EFNA5: variants seen among roughly 807,000 people sequenced by gnomAD.
The protein encoded by EFNA5 is ephrin A5, also known as ephrin-A5.
EFNA5 carries 5 observed loss-of-function variants against 22.9 expected under a neutral mutation model. The observed-to-expected ratio is 0.22, with a 90% CI of 0.11 to 0.46. EFNA5 has a LOEUF of 0.46. Ranked by LOEUF, EFNA5 falls within the 20% of genes least tolerant of loss-of-function variation. EFNA5 has a pLI of 0.99. For missense variants in EFNA5, 237 were observed against 293.3 expected, an observed-to-expected ratio of 0.81 and a Z score of 1.40; for synonymous variants, 113 against 112.2, an observed-to-expected ratio of 1.01 and a Z score of -0.04.
chr5:107,519,232 G>A lies in EFNA5; in HGVS notation c.126-91723C>T, dbSNP rs141677274. On this transcript the variant is annotated intron_variant, in intron 1 of 4. Coordinates refer to ENST00000333274, the MANE Select transcript of EFNA5 (RefSeq NM_001962.3). ...TCAAAATATCCTAATTCTAAAAGTC[G>A]GAACCTAGTGAGCAGAATCATGGTC... Among the ~76,000 whole-genome samples the A allele has an allele frequency of 3.7e-3, 556 of 152,238 alleles. 2 individuals carry two copies. Among genetic ancestry groups the A allele is most frequent in the Middle Eastern group, 6.8e-3 (2 of 294 alleles).
intron 1 of EFNA5, among the ~76,000 whole-genome samples, chr5:107,431,006 C>T (rs1445158376): frequency 6.6e-6 from 1 of 152,060 alleles, no homozygotes; most frequent in Non-Finnish European, 1.5e-5. Context: ...AATCTCCTGA[C>T]CTCGTGATCT....
Position 107,670,617 on chromosome 5 carries a change from G to T in EFNA5, c.-4C>A. The T allele has an allele frequency of 6.2e-7, 1 of 1,601,056 alleles. No individual in the cohort carries two copies. Among genetic ancestry groups the T allele is most frequent in the Non-Finnish European group, 8.5e-7 (1 of 1,174,434 alleles). On this transcript the variant is annotated 5_prime_UTR_variant, in exon 1 of 5. Coordinates refer to ENST00000333274, the MANE Select transcript of EFNA5 (RefSeq NM_001962.3). ...TCAACATCTCCACGTGCAACATCAC[G>T]CCTGGCCAGCGGCGGAGCCCCCGAC...
rs879477922 is a variant in EFNA5 at position 107,378,922 on chromosome 5, A to G, written c.*2333T>C. On this transcript the variant is annotated 3_prime_UTR_variant, in exon 5 of 5. Coordinates refer to ENST00000333274, the MANE Select transcript of EFNA5 (RefSeq NM_001962.3). ...ATGCTGTATTATTTTGGTTCTATTG[A>G]TCCATTTTAGAAGGTATCTTTCTCC... 7.2e-5 allele frequency: 11 copies of G among 151,994 alleles called. No homozygotes were observed. Among genetic ancestry groups the G allele is most frequent in the Admixed American group, 6.6e-5 (1 of 15,248 alleles). The allele number at this position is 151,994 out of a possible 1,614,324, so 9.4% of individuals were successfully genotyped here. A position where few individuals can be genotyped will look rare whatever the true frequency, so the allele number is the denominator to read the frequency against.
intron 1 of EFNA5, among the ~76,000 whole-genome samples, chr5:107,512,315 T>G (rs1017318712): frequency 6.6e-6 from 1 of 151,972 alleles, no homozygotes; most frequent in Admixed American, 6.6e-5. Context: ...TGCAATCGCC[T>G]GGGTATAAGC....
chr5:107,633,394 C>G (rs976263191), intron 1 of EFNA5, among the ~76,000 whole-genome samples: 2 of 152,196 alleles, frequency 1.3e-5, no homozygotes, highest in Non-Finnish European at 1.5e-5. Flanking sequence ...AGTCTCCTGA[C>G]AAGATGCCAA....
intron 1 of EFNA5, among the ~76,000 whole-genome samples, chr5:107,655,400 A>G (rs1750801270): frequency 6.6e-6 from 1 of 152,138 alleles, no homozygotes; most frequent in African/African-American, 2.4e-5. Flanking sequence ...CAGCGATTGT[A>G]AATATTAAAA....
chr5:107,568,574 C>A (rs1748711452), intron 1 of EFNA5, among the ~76,000 whole-genome samples: 1 of 152,196 alleles, frequency 6.6e-6, no homozygotes, highest in African/African-American at 2.4e-5. Flanking sequence ...AATTTAGAGA[C>A]ACAATGACTC....
chr5:107,509,899 A>T (rs1378608259), intron 1 of EFNA5, among the ~76,000 whole-genome samples: 3 of 152,240 alleles, frequency 2.0e-5, no homozygotes, highest in Non-Finnish European at 4.4e-5. Flanking sequence ...GGAAATGATT[A>T]CGCCATTAGT....
intron 1 of EFNA5, among the ~76,000 whole-genome samples, chr5:107,634,563 A>C (rs1750332845): frequency 8.0e-6 from 1 of 125,698 alleles, no homozygotes; most frequent in African/African-American, 2.6e-5. Flanking sequence ...ATATGTTCAA[A>C]AACTTCCAGG....
At chr5:107,426,199 T>C (rs1400539214) in intron 2 of EFNA5, among the ~76,000 whole-genome samples, 3 of 152,230 alleles carry the variant, frequency 2.0e-5, no homozygotes, top group Non-Finnish European at 4.4e-5. Context: ...GTCCAATAAA[T>C]GTATTTTTTA....
chr5:107,542,600 A>G (rs1288131753), intron 1 of EFNA5, among the ~76,000 whole-genome samples: 2 of 151,998 alleles, frequency 1.3e-5, no homozygotes, highest in African/African-American at 4.8e-5. Flanking sequence ...ACAGAAGGTC[A>G]TGCCTTCTCT....
intron 1 of EFNA5, among the ~76,000 whole-genome samples, chr5:107,543,882 T>A (rs572379136): frequency 6.6e-6 from 1 of 152,268 alleles, no homozygotes; most frequent in African/African-American, 2.4e-5. Context: ...CCTATAAGCA[T>A]CTCTTACATT....
intron 1 of EFNA5, among the ~76,000 whole-genome samples, chr5:107,577,238 T>C (rs1241722735): frequency 2.0e-5 from 3 of 152,088 alleles, no homozygotes; most frequent in Non-Finnish European, 2.9e-5. Context: ...AACAAGTCAA[T>C]TGTGAACATA....
At chr5:107,426,448 C>T (rs1029653547) in intron 2 of EFNA5, among the ~76,000 whole-genome samples, 1 of 152,312 alleles carries the variant, frequency 6.6e-6, no homozygotes, top group African/African-American at 2.4e-5. Flanking sequence ...GAATGCATTA[C>T]AAGATCCCCA....
intron 1 of EFNA5, among the ~76,000 whole-genome samples, chr5:107,448,831 CAATAAATAAATAAATA>C (rs57639319): frequency 7.0e-5 from 9 of 128,126 alleles, no homozygotes; most frequent in African/African-American, 1.8e-4. Flanking sequence ...CTCTGTCTCA[CAATAAATAAATAAATA>C]AATAAATAAA....
chr5:107,623,339 A>C (rs957722556), intron 1 of EFNA5, among the ~76,000 whole-genome samples: 7 of 152,220 alleles, frequency 4.6e-5, no homozygotes, highest in African/African-American at 1.4e-4. Flanking sequence ...CTAGATCCAG[A>C]AATGTACCAA....
intron 1 of EFNA5, among the ~76,000 whole-genome samples, chr5:107,444,321 T>C (rs1749337838): frequency 6.6e-6 from 1 of 152,262 alleles, no homozygotes; most frequent in Non-Finnish European, 1.5e-5. Flanking sequence ...CTTTTGCATC[T>C]ATTGATTGGA....
chr5:107,479,842 T>C (rs1750409448), intron 1 of EFNA5, among the ~76,000 whole-genome samples: 1 of 152,222 alleles, frequency 6.6e-6, no homozygotes, highest in Non-Finnish European at 1.5e-5. Context: ...TCTCAGACTC[T>C]GGCTCCAGAG....
intron 1 of EFNA5, among the ~76,000 whole-genome samples, chr5:107,591,862 A>T (rs1749334753): frequency 2.7e-5 from 2 of 73,768 alleles, no homozygotes; most frequent in African/African-American, 1.3e-4. Flanking sequence ...ATAATATAAA[A>T]AATATATATA....
Sources: allele counts gnomAD v4.1 joint callset (sites outside exome capture counted in the v4.1 genomes callset), GRCh38; gene constraint gnomAD v4.1.1; transcripts MANE v1.5; gene names NCBI Gene and HGNC (gene_info 2026-07-23, HGNC 2026-07-21).